Variants in TTYH2 observed in about 807,000 individuals in gnomAD.
The protein encoded by TTYH2 is tweety family member 2, also known as protein tweety homolog 2.
TTYH2 carries 49 observed loss-of-function variants against 68.3 expected under a neutral mutation model. That is an observed-to-expected ratio of 0.72 (90% confidence interval 0.57 to 0.91). The LOEUF is 0.91. TTYH2 is among the 40% of genes least tolerant of loss of function. The pLI is 0.00. For missense variants in TTYH2, 631 were observed against 700.4 expected (o/e 0.90, Z 1.12); for synonymous variants, 272 against 300.8 (o/e 0.90, Z 0.99).
chr17:74,251,269 G>A (rs531896254), intron 10 of TTYH2, among the ~76,000 whole-genome samples: 2 of 150,614 alleles, frequency 1.3e-5, no homozygotes, highest in South Asian at 2.1e-4. Context: ...TGTGTGTGGT[G>A]TGTGCATGTC....
Position 74,215,363 on chromosome 17 carries a change from A to G in TTYH2, c.129+1647A>G, listed in dbSNP as rs1352029548. Among the ~76,000 whole-genome samples the G allele has an allele frequency of 6.6e-6, 1 of 152,108 alleles. No individual in the cohort carries two copies. The highest frequency in any genetic ancestry group is 1.5e-5 in the Non-Finnish European group (1 of 68,008). Reference sequence around the variant, plus strand: ...GACTCCCTCACCCTGATGGCCCCAGAGACAGTTCCTATCAGCCCAACAGCT... The same window carrying G: ...GACTCCCTCACCCTGATGGCCCCAGGGACAGTTCCTATCAGCCCAACAGCT... On this transcript the variant is annotated intron_variant, in intron 1 of 13. Transcript: ENST00000269346. The surrounding 1 kb of genome is among the most constrained non-coding windows in gnomAD (Gnocchi z 4.3).
chr17:74,218,546 A>T (rs2050243795), intron 1 of TTYH2, among the ~76,000 whole-genome samples: 1 of 150,870 alleles, frequency 6.6e-6, no homozygotes. Flanking sequence ...AAAAAAAAAA[A>T]TGCCTCCGAG....
At chr17:74,258,254 G>T (rs1206042277) in intron 13 of TTYH2, among the ~76,000 whole-genome samples, 2 of 152,080 alleles carry the variant, frequency 1.3e-5, no homozygotes, top group Non-Finnish European at 2.9e-5. Flanking sequence ...CTGAGTTGGA[G>T]CCTGGAGATG....
chr17:74,254,066 A>G (rs2050667793), intron 13 of TTYH2, among the ~76,000 whole-genome samples: 1 of 152,238 alleles, frequency 6.6e-6, no homozygotes, highest in South Asian at 2.1e-4. Context: ...AGCCCACTGC[A>G]TACCTGTCAT....
chr17:74,216,019 C>T (rs1235736831), intron 1 of TTYH2, among the ~76,000 whole-genome samples: 4 of 152,212 alleles, frequency 2.6e-5, no homozygotes, highest in African/African-American at 9.6e-5. Context: ...TGTGTGACCA[C>T]GGGTAGGTGT....
chr17:74,229,743 T>C (rs1167593502), intron 2 of TTYH2, among the ~76,000 whole-genome samples: 2 of 152,238 alleles, frequency 1.3e-5, no homozygotes, highest in Admixed American at 1.3e-4. Flanking sequence ...TCCATATTAC[T>C]AAGCGAAAGA....
In TTYH2 at chr17:74,215,227, C is replaced by T. The variant is rs2143705923; in HGVS notation, c.129+1511C>T. Among the ~76,000 whole-genome samples, 1 of 152,034 alleles carries T rather than the reference C, an allele frequency of 6.6e-6. No homozygotes were observed. Among genetic ancestry groups the T allele is most frequent in the South Asian group, 2.1e-4 (1 of 4,814 alleles). On this transcript the variant is annotated intron_variant, in intron 1 of 13. Coordinates refer to ENST00000269346, the MANE Select transcript of TTYH2 (RefSeq NM_032646.6). The surrounding 1 kb of genome is among the most constrained non-coding windows in gnomAD (Gnocchi z 4.3). ...TGTCCCCATCCCAAACCCTGTGCCC[C>T]ACATCCCACACCCGGGGTCTCCAGC...
chr17:74,242,139 A>C (rs1167309552), intron 4 of TTYH2, among the ~76,000 whole-genome samples: 1 of 152,156 alleles, frequency 6.6e-6, no homozygotes, highest in Non-Finnish European at 1.5e-5. Flanking sequence ...CAAGGGGTGA[A>C]GTGGCTTACC....
At chr17:74,256,940 C>T (rs7501831) in intron 13 of TTYH2, 63,176 of 152,098 alleles carry the variant, frequency 0.42, 13,786 homozygotes, top group African/African-American at 0.53. Context: ...TGAGCCACCA[C>T]GCCCAGCCTA....
At chr17:74,259,573 C>T (rs1055570643) in intron 13 of TTYH2, among the ~76,000 whole-genome samples, 2 of 152,050 alleles carry the variant, frequency 1.3e-5, no homozygotes, top group African/African-American at 4.8e-5. Context: ...GCCTGGGCAT[C>T]GGGATGTTTT....
At position 74,213,653 on chromosome 17, in the gene TTYH2, C is replaced by T. The variant is rs924066357; in HGVS notation, c.66C>T (p.His22=). ...WWVVWLHSVP[H]VGLRLQPVNS... is the part of the protein sequence containing the mutation. ...TCGTGTGGCTGCACAGCGTCCCGCA[C>T]GTCGGCCTGCGCCTGCAGCCCGTGA... Residue 22 remains histidine, a synonymous_variant, in exon 1 of 14, where the codon CAC becomes CAT. Transcript: ENST00000269346. This position sits in a 1 kb window ranked among gnomAD's most constrained non-coding sequence, Gnocchi z 6.1. 6.8e-6 allele frequency: 11 copies of T among 1,612,304 alleles called. No individual in the cohort carries two copies. Among genetic ancestry groups the T allele is most frequent in the Non-Finnish European group, 8.5e-6 (10 of 1,179,596 alleles).
At position 74,250,027 on chromosome 17, in the gene TTYH2, A is replaced by G; in HGVS notation, c.1022A>G (p.Glu341Gly). ...QFAVPLFSTA[E>G]EDLLAIQLLL... ...GCCGTGCCCCTCTTCTCCACTGCAG[A>G]GGTAAGGCAGCTGTGCAGGAAGAGG... The change falls in exon 9 of 14, where the codon GAG becomes GGG. Residue 341 changes from glutamate (E) to glycine (G), a missense_variant and splice_region_variant. Physicochemically the swap from Glu to Gly is moderately conservative, Grantham distance 98. Coordinates refer to ENST00000269346, the MANE Select transcript of TTYH2 (RefSeq NM_032646.6). 6.2e-7 allele frequency: 1 copy of G among 1,613,944 alleles called. No individual in the cohort carries two copies. The highest frequency in any genetic ancestry group is 1.1e-5 in the South Asian group (1 of 91,066).
At chr17:74,219,837 G>A (rs906455860) in intron 1 of TTYH2, among the ~76,000 whole-genome samples, 2 of 152,048 alleles carry the variant, frequency 1.3e-5, no homozygotes, top group African/African-American at 2.4e-5. Flanking sequence ...TGTCTTTTTG[G>A]GTGTAGGCTG....
At chr17:74,224,474 A>G (rs111962833) in intron 2 of TTYH2, among the ~76,000 whole-genome samples, 8,996 of 152,300 alleles carry the variant, frequency 0.059, 755 homozygotes, top group African/African-American at 0.19. Flanking sequence ...ACTTTGGAAC[A>G]GTAAGAATGG....
rs1167305783 is a variant in TTYH2, at chr17:74,217,647, C to T, written c.129+3931C>T. Among the ~76,000 whole-genome samples the T allele has an allele frequency of 6.6e-6, 1 of 152,144 alleles. No homozygotes were observed. Among genetic ancestry groups the T allele is most frequent in the African/African-American group, 2.4e-5 (1 of 41,432 alleles). ...CAGTGGGCCTGGGAGGGAGACTCTC[C>T]CTCTAGGTGCTCCTAGTTTCCCTCT... is the stretch of plus-strand genomic sequence containing the variant. On this transcript the variant is annotated intron_variant, in intron 1 of 13. Transcript: ENST00000269346. The surrounding 1 kb of genome is among the most constrained non-coding windows in gnomAD (Gnocchi z 4.0).
intron 1 of TTYH2, among the ~76,000 whole-genome samples, chr17:74,220,052 C>T (rs750626235): frequency 6.6e-6 from 1 of 151,092 alleles, no homozygotes; most frequent in Non-Finnish European, 1.5e-5. Context: ...TGTTGCCTAG[C>T]CCAGGCTAGA....
intron 11 of TTYH2, 106 bp downstream of exon 11, chr17:74,252,482 A>C: frequency 7.5e-7 from 1 of 1,329,894 alleles, no homozygotes; most frequent in South Asian, 1.5e-5. Context: ...AGGACTGAGG[A>C]GGGCAGCAGA....
chr17:74,241,236 C>T lies in TTYH2; in HGVS notation c.636-2138C>T, dbSNP rs148209846. 8.4e-3 allele frequency among the ~76,000 whole-genome samples: 1,267 copies of T among 151,184 alleles called. 11 individuals are homozygous for T. Among genetic ancestry groups the T allele is most frequent in the African/African-American group, 0.03 (1,214 of 41,036 alleles). Reference sequence around the variant, plus strand: ...AGGAGTTTGAGACCAGCCTGGACAACATAGACAGACCCGGTATTTATAATA... The same window carrying T: ...AGGAGTTTGAGACCAGCCTGGACAATATAGACAGACCCGGTATTTATAATA... On this transcript the variant is annotated intron_variant, in intron 4 of 13. Coordinates refer to ENST00000269346, the MANE Select transcript of TTYH2 (RefSeq NM_032646.6). The surrounding 1 kb of genome is among the most constrained non-coding windows in gnomAD (Gnocchi z 4.1).
Position 74,232,201 on chromosome 17 carries a change from C to T in TTYH2, c.414+1202C>T, listed in dbSNP as rs1429897529. On this transcript the variant is annotated intron_variant, in intron 3 of 13. Transcript: ENST00000269346. The surrounding 1 kb of genome is among the most constrained non-coding windows in gnomAD (Gnocchi z 5.1). ...CAGAAGAGGATTGGACCCCATTTGCCCCCCTCCTGCTCCCTTAAGCTCCTC... is the reference window on the plus strand; with the variant it reads ...CAGAAGAGGATTGGACCCCATTTGCTCCCCTCCTGCTCCCTTAAGCTCCTC... 6.6e-6 allele frequency among the ~76,000 whole-genome samples: 1 copy of T among 152,218 alleles called. No homozygotes were observed. Among genetic ancestry groups the T allele is most frequent in the Admixed American group, 6.5e-5 (1 of 15,284 alleles).
Sources: allele counts gnomAD v4.1 joint callset (sites outside exome capture counted in the v4.1 genomes callset), GRCh38; gene constraint gnomAD v4.1.1; non-coding constraint Gnocchi (gnomAD v3.1); transcripts MANE v1.5; gene names NCBI Gene and HGNC (gene_info 2026-07-23, HGNC 2026-07-21).